MAP2: variants seen among roughly 807,000 people sequenced by gnomAD.
MAP2 encodes microtubule associated protein 2.
Under a neutral mutation model 137.6 loss-of-function variants are expected in MAP2, and 14 were observed. The ratio of observed to expected loss-of-function variants is 0.10; its 90% CI spans 0.07 to 0.16. MAP2 has a LOEUF of 0.16. Among genes scored for constraint, MAP2 ranks in the 10% least tolerant of loss-of-function variants. MAP2 has a pLI of 1.00. For missense variants in MAP2, 2,088 were observed against 2,191.5 expected (o/e 0.95, Z 0.94); for synonymous variants, 786 against 782.3 (o/e 1.00, Z -0.08).
chr2:209,588,262 G>A (rs1227809811), intron 3 of MAP2, among the ~76,000 whole-genome samples: 1 of 152,178 alleles, frequency 6.6e-6, no homozygotes, highest in African/African-American at 2.4e-5. Context: ...ATCATCTCTG[G>A]TCTTCCAAGA....
intron 3 of MAP2, among the ~76,000 whole-genome samples, chr2:209,623,334 A>T (rs1257107790): frequency 6.6e-6 from 1 of 152,136 alleles, no homozygotes; most frequent in African/African-American, 2.4e-5. Flanking sequence ...TAGTTTACTG[A>T]TTCATATTTT....
At chr2:209,584,042 G>C (rs1348541356) in intron 3 of MAP2, among the ~76,000 whole-genome samples, 1 of 151,960 alleles carries the variant, frequency 6.6e-6, no homozygotes, top group Non-Finnish European at 1.5e-5. Context: ...TTCTGTTCCT[G>C]CATTAATTTG....
chr2:209,490,721 T>C (rs774961728), intron 1 of MAP2, among the ~76,000 whole-genome samples: 17 of 147,152 alleles, frequency 1.2e-4, no homozygotes, highest in Admixed American at 8.2e-4. Context: ...TACGTAATGG[T>C]AAAGAGATCA....
At chr2:209,550,462 G>C (rs1022948369) in intron 2 of MAP2, among the ~76,000 whole-genome samples, 10 of 151,910 alleles carry the variant, frequency 6.6e-5, no homozygotes, top group Admixed American at 1.3e-4. Context: ...AAAGAAATAG[G>C]ACTTTATTGC....
intron 2 of MAP2, among the ~76,000 whole-genome samples, chr2:209,528,868 GTA>G (rs1279355422): frequency 7.2e-6 from 1 of 139,428 alleles, no homozygotes; most frequent in East Asian, 2.1e-4. Flanking sequence ...ATATGTGTGT[GTA>G]TATGTATATA....
chr2:209,494,509 T>C (rs938247014), intron 1 of MAP2, among the ~76,000 whole-genome samples: 1 of 151,582 alleles, frequency 6.6e-6, no homozygotes, highest in African/African-American at 2.4e-5. Context: ...TCCTCACTGC[T>C]ATAGTCCTAC....
At chr2:209,697,267 A>G (rs2060435866) in intron 10 of MAP2, among the ~76,000 whole-genome samples, 1 of 152,152 alleles carries the variant, frequency 6.6e-6, no homozygotes, top group Non-Finnish European at 1.5e-5. Flanking sequence ...GCTCAGACAT[A>G]ACAGTGCGTG....
At chr2:209,679,274 A>G (rs930002539) in intron 6 of MAP2, among the ~76,000 whole-genome samples, 2 of 152,036 alleles carry the variant, frequency 1.3e-5, no homozygotes, top group African/African-American at 4.8e-5. Context: ...CATTTAACGC[A>G]TGCTTGCCAA....
At chr2:209,523,004 A>G (rs531754879) in intron 2 of MAP2, among the ~76,000 whole-genome samples, 1 of 152,298 alleles carries the variant, frequency 6.6e-6, no homozygotes, top group South Asian at 2.1e-4. Context: ...AAAACCTGGT[A>G]AGGGACAAAT....
chr2:209,514,943 G>A lies in MAP2; in HGVS notation c.-172+7302G>A, dbSNP rs555087664. On this transcript the variant is annotated intron_variant, in intron 2 of 15. Coordinates refer to ENST00000682079, the MANE Select transcript of MAP2 (RefSeq NM_001375505.1). Reference sequence around the variant, plus strand: ...ATACAAGGGCTTTACTTTTAGGAATGCCTTCTGAGTCATTCATGTTGAAGA... The same window carrying A: ...ATACAAGGGCTTTACTTTTAGGAATACCTTCTGAGTCATTCATGTTGAAGA... Among the ~76,000 whole-genome samples the A allele has an allele frequency of 3.6e-3, 548 of 152,246 alleles. 2 individuals are homozygous for A. The highest frequency in any genetic ancestry group is 6.1e-3 in the Non-Finnish European group (418 of 67,986).
intron 5 of MAP2, among the ~76,000 whole-genome samples, chr2:209,666,641 G>A (rs1366113752): frequency 6.6e-6 from 1 of 151,788 alleles, no homozygotes; most frequent in Non-Finnish European, 1.5e-5. Flanking sequence ...TGGTGACACA[G>A]GTTTCCTTTC....
At chr2:209,608,241 A>T (rs746153865) in intron 3 of MAP2, among the ~76,000 whole-genome samples, 20 of 152,146 alleles carry the variant, frequency 1.3e-4, no homozygotes, top group Non-Finnish European at 2.5e-4. Flanking sequence ...TAAATACTGT[A>T]CACATATATA....
chr2:209,542,625 A>G (rs569010282), intron 2 of MAP2, among the ~76,000 whole-genome samples: 3 of 152,366 alleles, frequency 2.0e-5, no homozygotes, highest in South Asian at 4.1e-4. Context: ...TAGATCTTCT[A>G]GAGAACTTGT....
intron 2 of MAP2, among the ~76,000 whole-genome samples, chr2:209,565,657 A>G (rs932580760): frequency 5.3e-5 from 8 of 152,132 alleles, no homozygotes; most frequent in African/African-American, 1.7e-4. Context: ...CACATTTGTC[A>G]TACAATTTTG....
intron 3 of MAP2, among the ~76,000 whole-genome samples, chr2:209,592,945 T>C (rs888220681): frequency 2.0e-5 from 3 of 152,170 alleles, no homozygotes; most frequent in African/African-American, 4.8e-5. Context: ...TTTTAAGACA[T>C]TTTTTCACTT....
chr2:209,533,092 T>G (rs1490521341), intron 2 of MAP2, among the ~76,000 whole-genome samples: 1 of 152,168 alleles, frequency 6.6e-6, no homozygotes, highest in Non-Finnish European at 1.5e-5. Flanking sequence ...TCTTCTCTAC[T>G]GCCCCCATTT....
intron 1 of MAP2, among the ~76,000 whole-genome samples, chr2:209,459,726 G>A (rs1275516474): frequency 6.6e-6 from 1 of 152,194 alleles, no homozygotes; most frequent in African/African-American, 2.4e-5. Context: ...TCTCTCTGAT[G>A]TGCACTGCCT....
At chr2:209,721,858 C>CA (rs1201955582) in intron 13 of MAP2, 4 of 152,010 alleles carry the variant, frequency 2.6e-5, no homozygotes, top group Non-Finnish European at 5.9e-5. Context: ...ATGTCATTGC[C>CA]AAAATAATTA....
At chr2:209,516,750 C>T (rs1283245340) in intron 2 of MAP2, among the ~76,000 whole-genome samples, 3 of 152,080 alleles carry the variant, frequency 2.0e-5, no homozygotes, top group African/African-American at 4.8e-5. Context: ...TGTCTGGCTA[C>T]ACTATCACAG....
Sources: gnomAD v4.1 joint callset for allele counts (sites outside exome capture counted in the v4.1 genomes callset) on GRCh38, gnomAD v4.1.1 for gene constraint, MANE v1.5 for transcripts, NCBI Gene and HGNC (gene_info 2026-07-23, HGNC 2026-07-21) for gene names.